The following HEATR1 variants were observed in gnomAD, a reference collection of about 807,000 sequenced individuals.
HEATR1 encodes HEAT repeat containing 1, also known as HEAT repeat-containing protein 1.
HEATR1 carries 77 observed loss-of-function variants against 248.2 expected under a neutral mutation model. That is an observed-to-expected ratio of 0.31 (90% CI 0.26 to 0.37). The LOEUF (loss-of-function observed/expected upper bound fraction) is 0.37. HEATR1 is among the 10% of genes least tolerant of loss of function. The pLI, the probability that HEATR1 is intolerant of heterozygous loss-of-function variation, is 1.00. For synonymous variants in HEATR1, 897 were observed against 923.1 expected (o/e 0.97, Z 0.51); for missense variants, 2,420 against 2,504.9 (o/e 0.97, Z 0.72).
intron 43 of HEATR1, 161 bp from the exon 44 acceptor site, chr1:236,552,268 T>C (rs1662785235): frequency 2.0e-6 from 1 of 506,806 alleles, no homozygotes; most frequent in Non-Finnish European, 3.5e-6. Flanking sequence ...AGAATACCAG[T>C]TTCACCATTT....
intron 30 of HEATR1, 150 bp from the exon 31 acceptor site, chr1:236,566,195 G>C: frequency 1.4e-6 from 1 of 727,568 alleles, no homozygotes; most frequent in Non-Finnish European, 2.2e-6. Context: ...CCATGTCTAA[G>C]AAGTCATTTA....
Position 236,604,074 on chromosome 1 carries a change from G to C in HEATR1, c.22C>G (p.Leu8Val). The stretch of plus-strand genomic sequence containing the variant: ...CTTTGAGGGAGGGCGAGTCGTTGCA[G>C]CTGCTGGGCTAAGGACGTCATCTTT... MTSLAQQ[L>V]QRLALPQSDA... Residue 8 changes from leucine to valine, a missense_variant, in exon 2 of 45, where the codon CTG becomes GTG. Transcript: ENST00000366582. The C allele has an allele frequency of 6.3e-7, 1 of 1,578,862 alleles. No individual in the cohort carries two copies. Among genetic ancestry groups the C allele is most frequent in the Non-Finnish European group, 8.6e-7 (1 of 1,169,216 alleles).
chr1:236,598,386 C>T (rs1664230550), intron 4 of HEATR1, among the ~76,000 whole-genome samples: 1 of 152,158 alleles, frequency 6.6e-6, no homozygotes, highest in Admixed American at 6.5e-5. Context: ...CCACTATTCC[C>T]ACCATCTAGC....
Position 236,572,600 on chromosome 1 carries a change from T to C in HEATR1, c.3564-46A>G, listed in dbSNP as rs749672090. 13 of 1,610,710 alleles carry C rather than the reference T, an allele frequency of 8.1e-6. No individual in the cohort carries two copies. In the South Asian group the frequency reaches 1.1e-4, roughly 14 times the overall value. Reference sequence around the variant, plus strand: ...AACGTTGGAAAAGCAAACTCTATCATGTGCTAAGTAAAAACCATTGTGCCT... The same window carrying C: ...AACGTTGGAAAAGCAAACTCTATCACGTGCTAAGTAAAAACCATTGTGCCT... On this transcript the variant is annotated intron_variant, in intron 25 of 44. Transcript: ENST00000366582.
intron 34 of HEATR1, among the ~76,000 whole-genome samples, chr1:236,559,475 T>C (rs1663065169): frequency 6.6e-6 from 1 of 152,230 alleles, no homozygotes; most frequent in Admixed American, 6.5e-5. Flanking sequence ...GAACAGTATA[T>C]ATTATATGAC....
intron 20 of HEATR1, among the ~76,000 whole-genome samples, chr1:236,579,461 T>C (rs1369418813): frequency 6.6e-6 from 1 of 152,202 alleles, no homozygotes; most frequent in Non-Finnish European, 1.5e-5. Context: ...TATCTCTAAA[T>C]AAAATATATG....
At chr1:236,589,883 T>C (rs1663988249) in intron 12 of HEATR1, among the ~76,000 whole-genome samples, 1 of 152,140 alleles carries the variant, frequency 6.6e-6, no homozygotes, top group Admixed American at 6.5e-5. Context: ...TGTAAAAAAA[T>C]AATGAGTCCA....
chr1:236,574,053 C>A, intron 24 of HEATR1, 149 bp downstream of exon 24: 1 of 557,968 alleles, frequency 1.8e-6, no homozygotes, highest in South Asian at 5.2e-5. Flanking sequence ...TATTTTATGC[C>A]TCTCTCTGAC....
intron 20 of HEATR1, among the ~76,000 whole-genome samples, chr1:236,580,404 T>C (rs963395412): frequency 1.3e-5 from 2 of 152,160 alleles, no homozygotes; most frequent in Non-Finnish European, 2.9e-5. Flanking sequence ...TAAGAACTCA[T>C]ATAATCACCT....
intron 7 of HEATR1, 23 bp downstream of exon 7, chr1:236,595,810 T>A (rs369096367): frequency 4.5e-5 from 72 of 1,590,554 alleles, no homozygotes; most frequent in Non-Finnish European, 6.0e-5. Flanking sequence ...ACTAGCACCA[T>A]TTCTCAATTC....
chr1:236,551,146 C>G (rs10158194), intron 44 of HEATR1, 156 bp from the exon 45 acceptor site: 2 of 604,684 alleles, frequency 3.3e-6, no homozygotes, highest in African/African-American at 3.7e-5. Flanking sequence ...CGCCACGGAC[C>G]GCCTCCCTCC....
At chr1:236,596,474 G>T (rs1016964012) in intron 6 of HEATR1, among the ~76,000 whole-genome samples, 2 of 152,186 alleles carry the variant, frequency 1.3e-5, no homozygotes, top group Non-Finnish European at 2.9e-5. Context: ...AGGCACTTGG[G>T]AAGGAGAAAC....
chr1:236,568,899 A>AAAAC (rs1553282011), intron 29 of HEATR1, 97 bp downstream of exon 29: 52 of 543,962 alleles, frequency 9.6e-5, no homozygotes, highest in African/African-American at 3.7e-4. Flanking sequence ...AAAAAAAAAC[A>AAAAC]AAAAAAAAAA....
chr1:236,562,659 T>TA (rs1663162500), intron 32 of HEATR1, among the ~76,000 whole-genome samples: 4 of 152,334 alleles, frequency 2.6e-5, no homozygotes, highest in African/African-American at 9.6e-5. Flanking sequence ...TATCATTTCT[T>TA]AAAATGATAT....
At chr1:236,555,677 T>A (rs1320906959) in intron 39 of HEATR1, 22 bp from the exon 40 acceptor site, 2 of 1,612,160 alleles carry the variant, frequency 1.2e-6, no homozygotes, top group South Asian at 1.1e-5. Flanking sequence ...AGAGCCCATT[T>A]ATTAGAGTGC....
At position 236,571,715 on chromosome 1, in the gene HEATR1, G is replaced by A. The variant is rs151320158; in HGVS notation, c.3708-29C>T. 1.3e-3 allele frequency: 1,913 copies of A among 1,501,318 alleles called. 45 individuals are homozygous for A. In the East Asian group the frequency reaches 0.032, roughly 25 times the overall value. 93.0% of individuals were successfully genotyped at this position (1,501,318 alleles called of 1,614,324 possible). On this transcript the variant is annotated intron_variant, in intron 26 of 44. Transcript: ENST00000366582. ...CAGGACACCCAAAAGAGAAATGATG[G>A]GAAATGTAAAAGTTGTACAATTCAT...
intron 25 of HEATR1, 55 bp from the exon 26 acceptor site, chr1:236,572,609 T>TA: frequency 6.2e-7 from 1 of 1,608,458 alleles, no homozygotes; most frequent in Non-Finnish European, 8.5e-7. Flanking sequence ...ATGTGCTAAG[T>TA]AAAAACCATT....
chr1:236,562,969 C>T (rs113773480), intron 32 of HEATR1, among the ~76,000 whole-genome samples: 4 of 152,166 alleles, frequency 2.6e-5, no homozygotes, highest in African/African-American at 7.2e-5. Flanking sequence ...GTTCAGCCAG[C>T]CTGCTTGATA....
chr1:236,571,219 C>T (rs1663415794), intron 28 of HEATR1, 132 bp downstream of exon 28: 4 of 1,105,118 alleles, frequency 3.6e-6, no homozygotes, highest in Non-Finnish European at 5.0e-6. Flanking sequence ...AGAGGCAGGG[C>T]TGAGAGTCTC....
Sources: allele counts gnomAD v4.1 joint callset (sites outside exome capture counted in the v4.1 genomes callset), GRCh38; gene constraint gnomAD v4.1.1; transcripts MANE v1.5; gene names NCBI Gene and HGNC (gene_info 2026-07-23, HGNC 2026-07-21).